ATP6V0A4: variants seen among roughly 807,000 people sequenced by gnomAD.
ATP6V0A4 encodes the protein V-type proton ATPase 116 kDa subunit a 4.
ATP6V0A4 carries 86 observed loss-of-function variants against 107.3 expected under a neutral mutation model. The observed-to-expected ratio is 0.80, with a 90% CI of 0.67 to 0.96. ATP6V0A4 has a LOEUF of 0.96. ATP6V0A4 is among the 40% of genes least tolerant of loss of function. ATP6V0A4 has a pLI of 0.00. For synonymous variants in ATP6V0A4, 353 were observed against 381.4 expected (o/e 0.93, Z 0.87); for missense variants, 908 against 1,045.6 (o/e 0.87, Z 1.81).
At chr7:138,730,935 T>TCTTCTTC (rs1562988453) in intron 17 of ATP6V0A4, among the ~76,000 whole-genome samples, 2 of 138,518 alleles carry the variant, frequency 1.4e-5, no homozygotes, top group Admixed American at 7.0e-5. Context: ...CTTCTTCTTT[T>TCTTCTTC]TTTATTTTTT....
Position 138,791,088 on chromosome 7 carries a change from A to C in ATP6V0A4, c.-120-4828T>G, listed in dbSNP as rs572623235. On this transcript the variant is annotated intron_variant, in intron 1 of 21. Coordinates refer to ENST00000310018, the MANE Select transcript of ATP6V0A4 (RefSeq NM_020632.3). ...GGTTATCAGACACGGATTTTAAAGG[A>C]ATTATATCCCCTCTGTTTATGAAGA... Among the ~76,000 whole-genome samples the C allele has an allele frequency of 7.7e-4, 118 of 152,298 alleles. 1 individual carries two copies. Among genetic ancestry groups the C allele is most frequent in the Admixed American group, 3.3e-3 (50 of 15,292 alleles).
chr7:138,734,348 C>T (rs991745432), intron 15 of ATP6V0A4, 94 bp from the exon 16 acceptor site: 29 of 1,572,410 alleles, frequency 1.8e-5, no homozygotes, highest in South Asian at 7.8e-5. Context: ...CTAAGCAAAC[C>T]GCTCTGGGAA....
At chr7:138,776,532 C>A (rs1291519489) in intron 2 of ATP6V0A4, among the ~76,000 whole-genome samples, 1 of 152,162 alleles carries the variant, frequency 6.6e-6, no homozygotes, top group Non-Finnish European at 1.5e-5. Flanking sequence ...GCACTAGGAG[C>A]CCTGGCCTCA....
chr7:138,737,579 CT>C (rs373540257), intron 15 of ATP6V0A4, among the ~76,000 whole-genome samples: 69,059 of 134,404 alleles, frequency 0.51, 17,741 homozygotes, highest in East Asian at 0.78. Flanking sequence ...TTTTCTTTTT[CT>C]TTTTTTTTTT....
In ATP6V0A4 at chr7:138,721,912, G is replaced by A. The variant is rs369028294; in HGVS notation, c.2124C>T (p.Asp708=). The A allele has an allele frequency of 2.9e-5, 47 of 1,613,898 alleles. No homozygotes were observed. The highest frequency in any genetic ancestry group is 1.6e-4 in the Middle Eastern group (1 of 6,082). The stretch of plus-strand genomic sequence containing the variant: ...TCCCAGATACCTCTTCTCCATGGTC[G>A]TCCAGAGCCCCGTGGGTATCTGCAG... ...RTSADTHGAL[D]DHGEEFNFGD... Residue 708 remains aspartate (D), a synonymous_variant, in exon 19 of 22, where the codon GAC becomes GAT. Transcript: ENST00000310018.
chr7:138,771,027 C>T, intron 3 of ATP6V0A4, 104 bp downstream of exon 3: 1 of 1,159,588 alleles, frequency 8.6e-7, no homozygotes, highest in Non-Finnish European at 1.3e-6. Context: ...CTCACGGCTC[C>T]TCTCCCTACA....
chr7:138,771,027 C>A, intron 3 of ATP6V0A4, 104 bp downstream of exon 3: 1 of 1,159,588 alleles, frequency 8.6e-7, no homozygotes, highest in Non-Finnish European at 1.3e-6. Context: ...CTCACGGCTC[C>A]TCTCCCTACA....
At chr7:138,743,381 C>G (rs1805736079) in intron 14 of ATP6V0A4, among the ~76,000 whole-genome samples, 1 of 151,140 alleles carries the variant, frequency 6.6e-6, no homozygotes, top group African/African-American at 2.4e-5. Context: ...TCGCTTGAAC[C>G]CGGGAGGTGG....
intron 13 of ATP6V0A4, 65 bp from the exon 14 acceptor site, chr7:138,745,345 G>A (rs548877904): frequency 1.4e-5 from 22 of 1,608,826 alleles, no homozygotes; most frequent in African/African-American, 4.0e-5. Flanking sequence ...AGAGGGAAGC[G>A]TTCTACAGGA....
At chr7:138,790,005 T>G (rs1429541081) in intron 1 of ATP6V0A4, among the ~76,000 whole-genome samples, 9 of 151,622 alleles carry the variant, frequency 5.9e-5, no homozygotes, top group East Asian at 1.9e-4. Context: ...TAACTTGATT[T>G]TATTTCTTGA....
In ATP6V0A4 at chr7:138,749,182, G is replaced by C; in HGVS notation, c.1165C>G (p.Arg389Gly). Residue 389 changes from arginine to glycine, a missense_variant, in exon 12 of 22, where the codon CGG becomes GGG. Physicochemically the swap from Arg to Gly is moderately radical, Grantham distance 125. Coordinates refer to ENST00000310018, the MANE Select transcript of ATP6V0A4 (RefSeq NM_020632.3). ...IVDAYGVGSYREINPAPYTII... is the reference protein window; with the variant it reads ...IVDAYGVGSYGEINPAPYTII... ...AGATCTTTACCTGGGTTTATCTCCC[G>C]GTAGCTGCCGACACCATAGGCATCA... is the stretch of plus-strand genomic sequence containing the variant. 1 of 1,614,006 alleles carries C rather than the reference G, an allele frequency of 6.2e-7. No homozygotes were observed. The highest frequency in any genetic ancestry group is 1.7e-4 in the Middle Eastern group (1 of 6,046).
chr7:138,709,667 T>G lies in ATP6V0A4; in HGVS notation c.2386A>C (p.Met796Leu). Residue 796 changes from methionine (M) to leucine (L), a missense_variant, in exon 21 of 22, where the codon ATG becomes CTG. Physicochemically the swap from Met to Leu is conservative, Grantham distance 15 (BLOSUM62 2). Transcript: ENST00000310018. ...AVLTVAILLI[M>L]EGLSAFLHAL... is the part of the protein sequence containing the mutation. ...TGCAGGAAAGCAGAGAGGCCCTCCATGATCAGAAGGATGGCTACTGTCAGG... is the reference window on the plus strand; with the variant it reads ...TGCAGGAAAGCAGAGAGGCCCTCCAGGATCAGAAGGATGGCTACTGTCAGG... The G allele has an allele frequency of 6.2e-7, 1 of 1,613,428 alleles. No individual in the cohort carries two copies. Among genetic ancestry groups the G allele is most frequent in the Non-Finnish European group, 8.5e-7 (1 of 1,179,736 alleles).
chr7:138,789,541 C>A (rs1584954648), intron 1 of ATP6V0A4, among the ~76,000 whole-genome samples: 1 of 151,684 alleles, frequency 6.6e-6, no homozygotes, highest in African/African-American at 2.4e-5. Context: ...AGCCACCATG[C>A]CTGGCCAGCT....
intron 17 of ATP6V0A4, among the ~76,000 whole-genome samples, chr7:138,730,259 C>T (rs970160477): frequency 6.6e-6 from 1 of 152,070 alleles, no homozygotes; most frequent in Admixed American, 6.6e-5. Context: ...TCCTAGTACC[C>T]GCACACAATG....
chr7:138,786,743 C>T (rs1808195571), intron 1 of ATP6V0A4, among the ~76,000 whole-genome samples: 1 of 152,122 alleles, frequency 6.6e-6, no homozygotes, highest in Non-Finnish European at 1.5e-5. Context: ...GCCCTCCCAC[C>T]TCAGCCTCCC....
intron 3 of ATP6V0A4, among the ~76,000 whole-genome samples, chr7:138,769,805 C>T (rs1807286139): frequency 6.6e-6 from 1 of 152,152 alleles, no homozygotes; most frequent in Non-Finnish European, 1.5e-5. Flanking sequence ...TGGCCAGGTG[C>T]AGTTGCTCAT....
At chr7:138,714,415 C>G (rs1803923802) in intron 20 of ATP6V0A4, among the ~76,000 whole-genome samples, 1 of 151,710 alleles carries the variant, frequency 6.6e-6, no homozygotes, top group African/African-American at 2.4e-5. Context: ...CCCAGGGGCT[C>G]GGATCTTTAT....
chr7:138,749,146 T>C (rs1806102485), intron 12 of ATP6V0A4, 21 bp downstream of exon 12: 1 of 1,613,532 alleles, frequency 6.2e-7, no homozygotes, highest in East Asian at 2.2e-5. Flanking sequence ...TACCCAGTCG[T>C]GCAGTTCATC....
intron 1 of ATP6V0A4, among the ~76,000 whole-genome samples, chr7:138,789,474 C>A (rs1036309430): frequency 2.0e-5 from 3 of 151,512 alleles, no homozygotes; most frequent in Non-Finnish European, 2.9e-5. Context: ...TCTTGAACTC[C>A]TGACCTCAAG....
Sources: allele counts gnomAD v4.1 joint callset (sites outside exome capture counted in the v4.1 genomes callset), GRCh38; gene constraint gnomAD v4.1.1; transcripts MANE v1.5; gene names NCBI Gene and HGNC (gene_info 2026-07-23, HGNC 2026-07-21).